CERCAM: variants seen among roughly 807,000 people sequenced by gnomAD.
CERCAM encodes cerebral endothelial cell adhesion molecule, also known as inactive glycosyltransferase 25 family member 3.
CERCAM carries 59 observed loss-of-function variants against 66.0 expected under a neutral mutation model. That is an observed-to-expected ratio of 0.89 (90% CI 0.73 to 1.11). The LOEUF (loss-of-function observed/expected upper bound fraction) is 1.11, where lower values mean the gene tolerates loss of function less well. Among genes scored for constraint, CERCAM ranks in the 50% most tolerant of loss-of-function variants. CERCAM has a pLI of 0.00. For synonymous variants in CERCAM, 318 were observed against 343.6 expected, an observed-to-expected ratio of 0.93 and a Z score of 0.83; for missense variants, 840 against 828.3, an observed-to-expected ratio of 1.01 and a Z score of -0.17.
At chr9:128,430,449 A>G (rs1833948871) in intron 8 of CERCAM, among the ~76,000 whole-genome samples, 1 of 152,078 alleles carries the variant, frequency 6.6e-6, no homozygotes, top group Admixed American at 6.5e-5. Context: ...TCTGTTGCCA[A>G]GGCTGGTCTT....
At chr9:128,435,209 T>C (rs559419271) in intron 11 of CERCAM, among the ~76,000 whole-genome samples, 1 of 152,254 alleles carries the variant, frequency 6.6e-6, no homozygotes, top group African/African-American at 2.4e-5. Context: ...TTGGCCAGGC[T>C]GGTGTCGAAC....
intron 9 of CERCAM, 132 bp downstream of exon 9, chr9:128,431,435 C>G (rs1022897947): frequency 8.5e-7 from 1 of 1,171,604 alleles, no homozygotes; most frequent in Non-Finnish European, 1.2e-6. Flanking sequence ...TCAATCTCCT[C>G]TGTGTTCAAC....
At chr9:128,431,361 C>T in intron 9 of CERCAM, 58 bp downstream of exon 9, 2 of 1,600,058 alleles carry the variant, frequency 1.2e-6, no homozygotes, top group Non-Finnish European at 1.7e-6. Context: ...CCAGTTTGTT[C>T]TATTCACTGC....
chr9:128,435,413 CA>C (rs1834085002), intron 11 of CERCAM, among the ~76,000 whole-genome samples: 1 of 152,324 alleles, frequency 6.6e-6, no homozygotes, highest in African/African-American at 2.4e-5. Context: ...GGATTATAGG[CA>C]TGAGCCACTG....
chr9:128,427,056 C>T (rs1040593120), intron 5 of CERCAM, among the ~76,000 whole-genome samples: 1 of 152,174 alleles, frequency 6.6e-6, no homozygotes, highest in Non-Finnish European at 1.5e-5. Context: ...TACTACATCC[C>T]GGCTCTGGGC....
Position 128,428,919 on chromosome 9 carries a change from G to A in CERCAM, c.964-11G>A, listed in dbSNP as rs749927853. 1.2e-6 allele frequency: 2 copies of A among 1,607,396 alleles called. No homozygotes were observed. The highest frequency in any genetic ancestry group is 1.7e-6 in the Non-Finnish European group (2 of 1,176,670). On this transcript the variant is annotated splice_polypyrimidine_tract_variant and intron_variant, in intron 7 of 12. Transcript: ENST00000372838. Reference sequence around the variant, plus strand: ...CCTTGCACTTACCGCCCACCCCCCTGCCTCCTCCAGGTCTTTGTCATCAGC... The same window carrying A: ...CCTTGCACTTACCGCCCACCCCCCTACCTCCTCCAGGTCTTTGTCATCAGC...
chr9:128,423,158 T>C lies in CERCAM; in HGVS notation c.321T>C (p.Asp107=), dbSNP rs1483333755. The change falls in exon 3 of 13, where the codon GAT becomes GAC. Residue 107 remains aspartate (D), a synonymous_variant. Coordinates refer to ENST00000372838, the MANE Select transcript of CERCAM (RefSeq NM_016174.5). Reference sequence around the variant, plus strand: ...TCTATCCCCTCAGGTTCTACCCAGATGAAGAGGGTCCCAAGCACTGGACCA... The same window carrying C: ...TCTATCCCCTCAGGTTCTACCCAGACGAAGAGGGTCCCAAGCACTGGACCA... The part of the protein sequence containing the change: ...RPEGEPRFYP[D]EEGPKHWTKE... 4 of 1,613,894 alleles carry C rather than the reference T, an allele frequency of 2.5e-6. No individual in the cohort carries two copies. Among genetic ancestry groups the C allele is most frequent in the Non-Finnish European group, 3.4e-6 (4 of 1,179,976 alleles).
chr9:128,424,540 T>C lies in CERCAM; in HGVS notation c.692T>C (p.Phe231Ser). Residue 231 changes from phenylalanine to serine, a missense_variant, in exon 5 of 13, where the codon TTC becomes TCC. Transcript: ENST00000372838. ...LRAEGADQLA[F>S]YPPHPNYTWP... The stretch of plus-strand genomic sequence containing the variant: ...GCTGAAGGGGCAGACCAGCTTGCTT[T>C]CTACCCGCCACATCCCAACTACACT... 6.2e-7 allele frequency: 1 copy of C among 1,614,106 alleles called. No individual in the cohort carries two copies. Among genetic ancestry groups the C allele is most frequent in the Non-Finnish European group, 8.5e-7 (1 of 1,180,004 alleles).
At chr9:128,428,269 C>T (rs1022476696) in intron 5 of CERCAM, 33 bp from the exon 6 acceptor site, 36 of 1,609,870 alleles carry the variant, frequency 2.2e-5, no homozygotes, top group Middle Eastern at 1.7e-4. Flanking sequence ...GCCCCACCCT[C>T]CACTGCAGCT....
At chr9:128,422,731 C>T (rs1377911504) in intron 1 of CERCAM, 137 bp from the exon 2 acceptor site, 7 of 978,858 alleles carry the variant, frequency 7.2e-6, no homozygotes, top group African/African-American at 3.2e-5. Flanking sequence ...CCTCCAGCCT[C>T]TCTGCTGTAG....
rs775002103 is a variant in CERCAM at position 128,424,202 on chromosome 9, T to C, written c.491T>C (p.Leu164Pro). The part of the protein sequence containing the change: ...QTLRLLMGQG[L>P]PVVAPMLDSQ... ...CTGCGGCTTCTCATGGGGCAGGGGC[T>C]TCCAGTGGTGGCCCCAATGCTGGAC... Residue 164 changes from leucine (L) to proline (P), a missense_variant, in exon 4 of 13, where the codon CTT becomes CCT. By Grantham distance (98) the Leu-to-Pro change is moderately conservative (BLOSUM62 -3). Coordinates refer to ENST00000372838, the MANE Select transcript of CERCAM (RefSeq NM_016174.5). 2.5e-6 allele frequency: 4 copies of C among 1,613,980 alleles called. No individual in the cohort carries two copies. The South Asian group carries it at 4.4e-5, about 18-fold the overall frequency.
intron 3 of CERCAM, 56 bp downstream of exon 3, chr9:128,423,319 T>C (rs771494251): frequency 1.0e-5 from 15 of 1,451,436 alleles, no homozygotes; most frequent in South Asian, 1.2e-5. Flanking sequence ...CCGTCCCTGA[T>C]AGAAATCTGG....
intron 12 of CERCAM, among the ~76,000 whole-genome samples, chr9:128,436,176 C>A: frequency 6.6e-6 from 1 of 151,952 alleles, no homozygotes; most frequent in Non-Finnish European, 1.5e-5. Flanking sequence ...CTGCCTCAGC[C>A]TCCCCAGTAA....
Position 128,435,641 on chromosome 9 carries a change from C to G in CERCAM, c.1536-12C>G, listed in dbSNP as rs752415826. The G allele has an allele frequency of 3.8e-6, 6 of 1,589,824 alleles. No homozygotes were observed. The highest frequency in any genetic ancestry group is 4.3e-6 in the Non-Finnish European group (5 of 1,164,558). The stretch of plus-strand genomic sequence containing the variant: ...CGCCTCAATCCCCCTGAGCTATCCT[C>G]TCACCTTACAGCGAGCAGTACAAGG... On this transcript the variant is annotated splice_polypyrimidine_tract_variant and intron_variant, in intron 11 of 12. Transcript: ENST00000372838.
chr9:128,429,145 C>T, intron 8 of CERCAM, 109 bp downstream of exon 8: 1 of 756,674 alleles, frequency 1.3e-6, no homozygotes, highest in Non-Finnish European at 2.1e-6. Context: ...GTTTCCTGTC[C>T]CATGTAGTAT....
intron 1 of CERCAM, chr9:128,421,319 T>C: frequency 8.2e-7 from 1 of 1,217,436 alleles, no homozygotes; most frequent in Non-Finnish European, 1.0e-6. Context: ...GGTCCCCTAC[T>C]CCTTCCTCTT....
At chr9:128,422,822 A>C in intron 1 of CERCAM, 46 bp from the exon 2 acceptor site, 1 of 1,606,320 alleles carries the variant, frequency 6.2e-7, no homozygotes, top group Non-Finnish European at 8.5e-7. Flanking sequence ...CTTGGGGTTC[A>C]ATCCTGTGGC....
chr9:128,421,059 C>T lies in CERCAM; in HGVS notation c.182C>T (p.Ala61Val). The T allele has an allele frequency of 6.0e-6, 8 of 1,338,876 alleles. No homozygotes were observed. The highest frequency in any genetic ancestry group is 6.7e-6 in the Non-Finnish European group (7 of 1,043,728). 82.9% of individuals were successfully genotyped at this position (1,338,876 alleles called of 1,614,324 possible). A position where few individuals can be genotyped will look rare whatever the true frequency, so the allele number is the denominator to read the frequency against. ...GALERLDYPR[A>V]RMALWCATDH... Reference sequence around the variant, plus strand: ...CTGGAGCGGCTGGACTACCCCCGGGCCAGGATGGCCCTCTGGTGAGAGACC... The same window carrying T: ...CTGGAGCGGCTGGACTACCCCCGGGTCAGGATGGCCCTCTGGTGAGAGACC... Residue 61 changes from alanine to valine, a missense_variant, in exon 1 of 13, where the codon GCC becomes GTC. Ala to Val is a moderately conservative substitution (Grantham distance 64). Coordinates refer to ENST00000372838, the MANE Select transcript of CERCAM (RefSeq NM_016174.5).
chr9:128,428,762 G>T lies in CERCAM; in HGVS notation c.892G>T (p.Gly298Cys). ...GGGTGTGCTTCCCTTTGCAGTGGAC[G>T]GCCCCCGCATGCAGGCCTCAGCTCA... is the stretch of plus-strand genomic sequence containing the variant. Reference protein sequence around the residue: ...IHLILEALVDGPRMQASAHVT... With the variant: ...IHLILEALVDCPRMQASAHVT... The change falls in exon 7 of 13, where the codon GGC becomes TGC. Residue 298 changes from glycine (G) to cysteine (C), a missense_variant. Gly to Cys is a radical substitution (Grantham distance 159, BLOSUM62 -3). Coordinates refer to ENST00000372838, the MANE Select transcript of CERCAM (RefSeq NM_016174.5). The T allele has an allele frequency of 1.2e-6, 2 of 1,613,772 alleles. No homozygotes were observed. The highest frequency in any genetic ancestry group is 1.7e-6 in the Non-Finnish European group (2 of 1,179,980).
Sources: allele counts gnomAD v4.1 joint callset (sites outside exome capture counted in the v4.1 genomes callset), GRCh38; gene constraint gnomAD v4.1.1; transcripts MANE v1.5; gene names NCBI Gene and HGNC (gene_info 2026-07-23, HGNC 2026-07-21).